Variants in DAB1 observed in about 807,000 individuals in gnomAD.
DAB1 encodes disabled homolog 1.
DAB1 carries 15 observed loss-of-function variants against 64.6 expected under a neutral mutation model. That is an observed-to-expected ratio of 0.23 (90% CI 0.16 to 0.36). The LOEUF is 0.36. DAB1 is among the 10% of genes least tolerant of loss of function. DAB1 has a pLI of 1.00. For missense variants in DAB1, 596 were observed against 706.7 expected, an observed-to-expected ratio of 0.84 and a Z score of 1.78; for synonymous variants, 235 against 251.9, an observed-to-expected ratio of 0.93 and a Z score of 0.64.
intron 1 of DAB1, among the ~76,000 whole-genome samples, chr1:57,333,923 C>T (rs1676878474): frequency 1.3e-5 from 2 of 152,276 alleles, no homozygotes; most frequent in Non-Finnish European, 2.9e-5. Context: ...ACCCTAACAC[C>T]TTATGTTGGC....
chr1:57,342,389 G>A (rs1677662204), intron 1 of DAB1, among the ~76,000 whole-genome samples: 1 of 152,178 alleles, frequency 6.6e-6, no homozygotes, highest in Admixed American at 6.5e-5. Context: ...CTTCATGGAA[G>A]GGTTCATATT....
chr1:58,441,885 G>A (rs1645012910), intron 3 of DAB1, among the ~76,000 whole-genome samples: 1 of 152,156 alleles, frequency 6.6e-6, no homozygotes, highest in Non-Finnish European at 1.5e-5. Context: ...TCTTCTTTCT[G>A]ACTGGGACCC....
chr1:58,021,086 G>A (rs557524834), intron 5 of DAB1, among the ~76,000 whole-genome samples: 2 of 152,302 alleles, frequency 1.3e-5, no homozygotes, highest in South Asian at 2.1e-4. Context: ...AGCAAGTGTT[G>A]CATAAGTGAA....
At position 57,094,336 on chromosome 1, in the gene DAB1, C is replaced by T. The variant is rs570723137; in HGVS notation, c.307-21922G>A. 7.9e-5 allele frequency among the ~76,000 whole-genome samples: 12 copies of T among 152,272 alleles called. No individual in the cohort carries two copies. In the South Asian group the frequency reaches 2.5e-3, roughly 32 times the overall value. On this transcript the variant is annotated intron_variant, in intron 4 of 14. Coordinates refer to ENST00000371236, the MANE Select transcript of DAB1 (RefSeq NM_001365792.1). ...TTTCAAAGGAAGAAACATAGCCCAA[C>T]CTCAGCTTGCAAAATCCGGATCACA... is the stretch of plus-strand genomic sequence containing the variant.
chr1:57,182,333 T>C lies in DAB1; in HGVS notation c.68-36904A>G, dbSNP rs12068708. Among the ~76,000 whole-genome samples, 1,282 of 152,328 alleles carry C rather than the reference T, an allele frequency of 8.4e-3. 14 individuals are homozygous for C. The highest frequency in any genetic ancestry group is 0.028 in the African/African-American group (1,185 of 41,582). On this transcript the variant is annotated intron_variant, in intron 2 of 14. Coordinates refer to ENST00000371236, the MANE Select transcript of DAB1 (RefSeq NM_001365792.1). ...TGTATGTTATCAGTAATGCTCATAA[T>C]AAATCTCTTGAACATTGAAGGAATT...
At position 57,142,414 on chromosome 1, in the gene DAB1, G is replaced by C. The variant is rs370088678; in HGVS notation, c.207+2876C>G. Reference sequence around the variant, plus strand: ...CTGTGTTTCCTAAAGAAAAACCACTGGGAGCTGAAATGTCAACATTCTTCT... The same window carrying C: ...CTGTGTTTCCTAAAGAAAAACCACTCGGAGCTGAAATGTCAACATTCTTCT... On this transcript the variant is annotated intron_variant, in intron 3 of 14. Transcript: ENST00000371236. 5.1e-4 allele frequency among the ~76,000 whole-genome samples: 78 copies of C among 152,192 alleles called. 1 individual carries two copies. In the South Asian group the frequency reaches 0.014, roughly 26 times the overall value.
chr1:57,214,968 C>T (rs1666317613), intron 2 of DAB1, among the ~76,000 whole-genome samples: 1 of 129,190 alleles, frequency 7.7e-6, no homozygotes, highest in African/African-American at 2.9e-5. Flanking sequence ...CAAAACAAAA[C>T]ACATGGTGAA....
intron 5 of DAB1, among the ~76,000 whole-genome samples, chr1:58,149,206 G>A (rs591970): frequency 0.52 from 78,709 of 151,854 alleles, 22,950 homozygotes; most frequent in East Asian, 0.86. Context: ...ACAAAGAGGT[G>A]CAAGTTTTAT....
chr1:57,547,656 A>C (rs911538247), intron 7 of DAB1, among the ~76,000 whole-genome samples: 1 of 152,238 alleles, frequency 6.6e-6, no homozygotes, highest in Admixed American at 6.5e-5. Context: ...AAATATGCAC[A>C]TAAAAATATA....
chr1:57,231,132 T>C (rs1667645728), intron 2 of DAB1, among the ~76,000 whole-genome samples: 2 of 152,178 alleles, frequency 1.3e-5, no homozygotes, highest in East Asian at 3.8e-4. Context: ...CTGATTTCTA[T>C]ATCTAAAATG....
Position 58,064,709 on chromosome 1 carries a change from G to T in DAB1, n.387+85802C>A, listed in dbSNP as rs1536141. Among the ~76,000 whole-genome samples, 201 of 110,310 alleles carry T rather than the reference G, an allele frequency of 1.8e-3. 1 individual carries two copies. Among genetic ancestry groups the T allele is most frequent in the African/African-American group, 6.5e-3 (186 of 28,550 alleles). 72.4% of individuals were successfully genotyped at this position (110,310 alleles called of 152,430 possible). The stretch of plus-strand genomic sequence containing the variant: ...TTTATTTATTTATGTATTTATTTAT[G>T]TATTTATGTATTTATTTATTTATTT... On this transcript the variant is annotated intron_variant and non_coding_transcript_variant, in intron 5 of 20. Transcript: ENST00000485760.
chr1:57,759,052 G>T (rs1648948117), intron 6 of DAB1, among the ~76,000 whole-genome samples: 1 of 151,994 alleles, frequency 6.6e-6, no homozygotes, highest in Admixed American at 6.6e-5. Flanking sequence ...CTGCTATTAT[G>T]TTCAGACATC....
rs368799007 is a variant in DAB1 at position 57,330,009 on chromosome 1, T to C, written c.-136-38843A>G. On this transcript the variant is annotated intron_variant, in intron 1 of 14. Coordinates refer to ENST00000371236, the MANE Select transcript of DAB1 (RefSeq NM_001365792.1). Reference sequence around the variant, plus strand: ...GCAATAGCAGTCAACCAGGGGATGTTTTTAATGTTTTATGCTTTCACTGCA... The same window carrying C: ...GCAATAGCAGTCAACCAGGGGATGTCTTTAATGTTTTATGCTTTCACTGCA... Among the ~76,000 whole-genome samples the C allele has an allele frequency of 1.6e-3, 251 of 152,276 alleles. 1 individual carries two copies. Among genetic ancestry groups the C allele is most frequent in the African/African-American group, 5.4e-3 (226 of 41,552 alleles).
At chr1:58,246,537 T>C (rs1379909374) in intron 4 of DAB1, among the ~76,000 whole-genome samples, 2 of 152,180 alleles carry the variant, frequency 1.3e-5, no homozygotes, top group Admixed American at 1.3e-4. Flanking sequence ...GAAAAGCATA[T>C]GTGATATGTA....
At chr1:57,268,682 C>T (rs2100581996) in intron 2 of DAB1, among the ~76,000 whole-genome samples, 1 of 152,236 alleles carries the variant, frequency 6.6e-6, no homozygotes, top group South Asian at 2.1e-4. Flanking sequence ...TGTGCCAAGC[C>T]CTCTATTAGG....
At chr1:58,454,710 C>T (rs919200184) in intron 3 of DAB1, among the ~76,000 whole-genome samples, 2 of 152,182 alleles carry the variant, frequency 1.3e-5, no homozygotes, top group East Asian at 3.8e-4. Context: ...GCCTTGTCCC[C>T]TCTGCTCTAG....
chr1:57,678,649 T>C (rs1646597238), intron 6 of DAB1, among the ~76,000 whole-genome samples: 1 of 151,824 alleles, frequency 6.6e-6, no homozygotes, highest in Non-Finnish European at 1.5e-5. Context: ...ACAGAAGCAA[T>C]AAAGTAGTAT....
chr1:57,843,625 C>T (rs1056332076), intron 1 of DAB1, among the ~76,000 whole-genome samples: 18 of 152,248 alleles, frequency 1.2e-4, no homozygotes, highest in Admixed American at 7.2e-4. Context: ...TTAGAAGTTA[C>T]CTAAGGTTAG....
At chr1:57,123,768 A>C (rs1184611311) in intron 4 of DAB1, among the ~76,000 whole-genome samples, 1 of 152,182 alleles carries the variant, frequency 6.6e-6, no homozygotes, top group Non-Finnish European at 1.5e-5. Flanking sequence ...TTAGTGGAAA[A>C]ATGTGGATAA....
Sources: allele counts gnomAD v4.1 joint callset (sites outside exome capture counted in the v4.1 genomes callset), GRCh38; gene constraint gnomAD v4.1.1; transcripts MANE v1.5; gene names NCBI Gene and HGNC (gene_info 2026-07-23, HGNC 2026-07-21).